SEL1L2: variants seen among roughly 807,000 people sequenced by gnomAD.
SEL1L2 encodes SEL1L2 adaptor subunit of SYVN1 ubiquitin ligase, also known as protein sel-1 homolog 2.
Under a neutral mutation model 98.8 loss-of-function variants are expected in SEL1L2, and 89 were observed. The ratio of observed to expected loss-of-function variants is 0.90; its 90% CI spans 0.76 to 1.07. The LOEUF is 1.07. SEL1L2 is among the 50% of genes least tolerant of loss of function. The pLI is 0.00. For synonymous variants in SEL1L2, 262 were observed against 278.5 expected, an observed-to-expected ratio of 0.94 and a Z score of 0.59; for missense variants, 788 against 812.0, an observed-to-expected ratio of 0.97 and a Z score of 0.36.
intron 17 of SEL1L2, among the ~76,000 whole-genome samples, chr20:13,859,995 C>T (rs564371848): frequency 6.6e-5 from 10 of 152,348 alleles, no homozygotes; most frequent in South Asian, 2.1e-4. Context: ...TGAGCCTCCG[C>T]GCCCGGCCAA....
At chr20:13,956,658 G>T (rs570521107) in intron 1 of SEL1L2, among the ~76,000 whole-genome samples, 1 of 152,178 alleles carries the variant, frequency 6.6e-6, no homozygotes, top group African/African-American at 2.4e-5. Context: ...AACTTTCAAT[G>T]AATTTTTAAT....
At chr20:13,964,672 A>C (rs3117487) in intron 1 of SEL1L2, among the ~76,000 whole-genome samples, 1 of 151,746 alleles carries the variant, frequency 6.6e-6, no homozygotes, top group African/African-American at 2.4e-5. Flanking sequence ...GGCTGGTCTC[A>C]AGCTCCCGAG....
chr20:13,921,146 A>G (rs2148244659), intron 3 of SEL1L2, among the ~76,000 whole-genome samples: 1 of 152,294 alleles, frequency 6.6e-6, no homozygotes, highest in East Asian at 1.9e-4. Context: ...TTTTACTTTT[A>G]TTTGTAATTC....
chr20:13,930,063 T>A lies in SEL1L2; in HGVS notation c.283+1540A>T, dbSNP rs573856931. Reference sequence around the variant, plus strand: ...ACCTCAGCTTCCTGAAGCGCTTGGATGACAGGCATAGGCAATGGCCACCGG... The same window carrying A: ...ACCTCAGCTTCCTGAAGCGCTTGGAAGACAGGCATAGGCAATGGCCACCGG... On this transcript the variant is annotated intron_variant, in intron 3 of 19. Transcript: ENST00000284951. 5.9e-5 allele frequency among the ~76,000 whole-genome samples: 9 copies of A among 152,354 alleles called. No individual in the cohort carries two copies. The South Asian group carries it at 1.4e-3, about 25-fold the overall frequency.
chr20:13,983,478 T>G (rs1390254404), intron 1 of SEL1L2, among the ~76,000 whole-genome samples: 1 of 152,064 alleles, frequency 6.6e-6, no homozygotes, highest in African/African-American at 2.4e-5. Flanking sequence ...TACCTATGAA[T>G]CTTAGGTCTT....
In SEL1L2 at chr20:13,869,696, A is replaced by G. The variant is rs927908424; in HGVS notation, c.1168-106T>C. 3.4e-5 allele frequency: 25 copies of G among 740,094 alleles called. No homozygotes were observed. In the African/African-American group the frequency reaches 3.9e-4, roughly 12 times the overall value. The allele number at this position is 740,094 out of a possible 1,614,324, so 45.8% of individuals were successfully genotyped here. ...GTATAGACAGTGCCCTATGTGATTT[A>G]GGGTAATTAAAATAGTATCAGAAAC... On this transcript the variant is annotated intron_variant, in intron 13 of 19. Coordinates refer to ENST00000284951, the MANE Select transcript of SEL1L2 (RefSeq NM_025229.2).
chr20:13,869,056 A>G (rs55722769), intron 14 of SEL1L2, among the ~76,000 whole-genome samples: 9,546 of 149,986 alleles, frequency 0.064, 369 homozygotes, highest in Non-Finnish European at 0.096. Context: ...TCAGTGATGT[A>G]CTTCCCCTGC....
chr20:13,958,212 T>C (rs1177021331), intron 1 of SEL1L2, among the ~76,000 whole-genome samples: 5 of 152,288 alleles, frequency 3.3e-5, no homozygotes, highest in African/African-American at 1.2e-4. Flanking sequence ...TTTATATATT[T>C]AGCACAGTAC....
chr20:13,892,170 C>T (rs767194036), intron 5 of SEL1L2, among the ~76,000 whole-genome samples: 2 of 152,128 alleles, frequency 1.3e-5, no homozygotes, highest in African/African-American at 2.4e-5. Context: ...GATATTTTAG[C>T]CATCCATTGT....
intron 2 of SEL1L2, among the ~76,000 whole-genome samples, chr20:13,932,602 T>C (rs554941704): frequency 6.6e-6 from 1 of 152,038 alleles, no homozygotes; most frequent in Non-Finnish European, 1.5e-5. Flanking sequence ...TAGCTAATTT[T>C]TGTATTTTTA....
intron 5 of SEL1L2, among the ~76,000 whole-genome samples, chr20:13,905,601 A>AC (rs2047892521): frequency 6.6e-6 from 1 of 152,142 alleles, no homozygotes; most frequent in Admixed American, 6.5e-5. Context: ...GGTGTAAGCC[A>AC]CCATGCCTGG....
chr20:13,913,848 T>C lies in SEL1L2; in HGVS notation c.483A>G (p.Gln161=). Residue 161 remains glutamine (Q), a synonymous_variant, in exon 5 of 20, where the codon CAA becomes CAG. Coordinates refer to ENST00000284951, the MANE Select transcript of SEL1L2 (RefSeq NM_025229.2). The stretch of plus-strand genomic sequence containing the variant: ...ATAATTGGATAGCTGCTGTTATATT[T>C]TGCACGCCAAAATTTCCAAATAGCA... The part of the protein sequence containing the change: ...DALLFGNFGV[Q]NITAAIQLYE... 1 of 1,560,638 alleles carries C rather than the reference T, an allele frequency of 6.4e-7. No homozygotes were observed. The highest frequency in any genetic ancestry group is 8.6e-7 in the Non-Finnish European group (1 of 1,162,006).
intron 1 of SEL1L2, among the ~76,000 whole-genome samples, chr20:13,982,805 T>C (rs989055045): frequency 3.2e-4 from 49 of 150,800 alleles, no homozygotes; most frequent in Non-Finnish European, 5.6e-4. Context: ...GCGGGTGGAT[T>C]ACAAGGTCAG....
chr20:13,988,450 G>C (rs1416205383), intron 1 of SEL1L2, among the ~76,000 whole-genome samples: 4 of 152,136 alleles, frequency 2.6e-5, no homozygotes, highest in Non-Finnish European at 5.9e-5. Flanking sequence ...CCCACACTGA[G>C]TTTTCATGGC....
chr20:13,979,647 G>A (rs2051714053), intron 1 of SEL1L2, among the ~76,000 whole-genome samples: 1 of 151,982 alleles, frequency 6.6e-6, no homozygotes, highest in South Asian at 2.1e-4. Context: ...GCTACATATT[G>A]GCACAATGGA....
chr20:13,887,138 A>G (rs1364447240), intron 8 of SEL1L2, among the ~76,000 whole-genome samples: 3 of 152,248 alleles, frequency 2.0e-5, no homozygotes, highest in Non-Finnish European at 4.4e-5. Flanking sequence ...AAATATAAAG[A>G]TAGATATGCT....
At chr20:13,974,535 G>T (rs534564322) in intron 1 of SEL1L2, among the ~76,000 whole-genome samples, 1 of 131,394 alleles carries the variant, frequency 7.6e-6, no homozygotes, top group East Asian at 2.4e-4. Flanking sequence ...CTGGAGTGCA[G>T]TGGCATGATC....
intron 1 of SEL1L2, among the ~76,000 whole-genome samples, chr20:13,976,874 C>T (rs770508122): frequency 9.2e-5 from 14 of 152,238 alleles, no homozygotes; most frequent in Non-Finnish European, 1.8e-4. Context: ...TAAATATAAA[C>T]GATTAGGAGA....
At chr20:13,967,387 T>G (rs1381281188) in intron 1 of SEL1L2, among the ~76,000 whole-genome samples, 2 of 152,140 alleles carry the variant, frequency 1.3e-5, no homozygotes, top group Non-Finnish European at 2.9e-5. Flanking sequence ...CCTTACCACA[T>G]GTAAAACTGA....
Sources: gnomAD v4.1 joint callset for allele counts (sites outside exome capture counted in the v4.1 genomes callset) on GRCh38, gnomAD v4.1.1 for gene constraint, MANE v1.5 for transcripts, NCBI Gene and HGNC (gene_info 2026-07-23, HGNC 2026-07-21) for gene names.